HPF1: variants seen among roughly 807,000 people sequenced by gnomAD.
HPF1 encodes UPF0609 protein C4orf27.
HPF1 carries 35 observed loss-of-function variants against 38.8 expected under a neutral mutation model. The observed-to-expected ratio is 0.90, with a 90% CI of 0.69 to 1.19. The LOEUF (loss-of-function observed/expected upper bound fraction) is 1.19, where lower values mean the gene tolerates loss of function less well. Among genes scored for constraint, HPF1 ranks in the 50% most tolerant of loss-of-function variants. The pLI is 0.00. For synonymous variants in HPF1, 115 were observed against 139.2 expected (o/e 0.83, Z 1.22); for missense variants, 367 against 405.8 (o/e 0.90, Z 0.82).
chr4:169,732,175 T>TCAG (rs1408623486), intron 6 of HPF1, among the ~76,000 whole-genome samples: 1 of 146,860 alleles, frequency 6.8e-6, no homozygotes, highest in Non-Finnish European at 1.5e-5. Flanking sequence ...GGAGTCTTGC[T>TCAG]CTGTCACCAG....
intron 5 of HPF1, among the ~76,000 whole-genome samples, chr4:169,738,816 A>G (rs1733929995): frequency 6.6e-6 from 1 of 152,228 alleles, no homozygotes. Context: ...GCCATAAAAA[A>G]GGATGAGTTC....
intron 4 of HPF1, among the ~76,000 whole-genome samples, chr4:169,743,094 C>CAA (rs60755557): frequency 4.5e-4 from 65 of 143,290 alleles, no homozygotes; most frequent in African/African-American, 1.1e-3. Context: ...AAGACTGCCT[C>CAA]AAAAAAAAAA....
chr4:169,748,093 T>TTTGGA (rs1734071056), intron 4 of HPF1, among the ~76,000 whole-genome samples: 1 of 152,214 alleles, frequency 6.6e-6, no homozygotes, highest in Non-Finnish European at 1.5e-5. Context: ...CTTCCAAGGA[T>TTTGGA]ATAATGACCA....
chr4:169,745,955 G>A (rs1296575724), intron 4 of HPF1, among the ~76,000 whole-genome samples: 1 of 151,814 alleles, frequency 6.6e-6, no homozygotes, highest in Non-Finnish European at 1.5e-5. Flanking sequence ...AAATAGTTTT[G>A]ACCTTAAGGG....
chr4:169,740,324 G>T (rs111871002), intron 5 of HPF1, among the ~76,000 whole-genome samples: 1,715 of 152,244 alleles, frequency 0.011, 27 homozygotes, highest in African/African-American at 0.039. Context: ...CTATAAAATA[G>T]GATAATTCCA....
At chr4:169,749,823 G>T (rs1041200318) in intron 3 of HPF1, among the ~76,000 whole-genome samples, 3 of 151,700 alleles carry the variant, frequency 2.0e-5, no homozygotes, top group Non-Finnish European at 4.4e-5. Context: ...TAAAATTGAG[G>T]AAACAAATAC....
chr4:169,737,478 C>T (rs1303369345), intron 6 of HPF1, among the ~76,000 whole-genome samples, 182 bp downstream of exon 6: 1 of 152,088 alleles, frequency 6.6e-6, no homozygotes, highest in Non-Finnish European at 1.5e-5. Flanking sequence ...CAAGGCCACA[C>T]AGCTATGAAC....
chr4:169,743,970 T>G (rs1220970666), intron 4 of HPF1, among the ~76,000 whole-genome samples: 3 of 152,080 alleles, frequency 2.0e-5, no homozygotes, highest in African/African-American at 4.8e-5. Context: ...ACTGGTAGAT[T>G]AAAATGCCAC....
chr4:169,739,630 C>G (rs751538423), intron 5 of HPF1, among the ~76,000 whole-genome samples: 3 of 152,090 alleles, frequency 2.0e-5, no homozygotes, highest in Non-Finnish European at 4.4e-5. Context: ...CCTGGCAATA[C>G]TACGTCTAGG....
intron 3 of HPF1, among the ~76,000 whole-genome samples, chr4:169,749,789 C>T (rs1234631054): frequency 2.7e-5 from 4 of 149,772 alleles, no homozygotes; most frequent in Admixed American, 2.7e-4. Context: ...ATCCTATTCA[C>T]GTATATAACC....
chr4:169,730,981 C>A (rs770951479), intron 7 of HPF1, among the ~76,000 whole-genome samples: 3 of 152,154 alleles, frequency 2.0e-5, no homozygotes, highest in Non-Finnish European at 4.4e-5. Flanking sequence ...AAATGATCTG[C>A]GTGTGGGTAT....
chr4:169,735,140 A>AG (rs1158298542), intron 6 of HPF1, among the ~76,000 whole-genome samples: 5 of 151,748 alleles, frequency 3.3e-5, no homozygotes, highest in African/African-American at 1.2e-4. Flanking sequence ...AAAAAAAAAA[A>AG]AAGAAGAAAG....
chr4:169,737,514 C>G, intron 6 of HPF1, 146 bp downstream of exon 6: 1 of 618,010 alleles, frequency 1.6e-6, no homozygotes, highest in Non-Finnish European at 3.0e-6. Context: ...GAATGACTGA[C>G]TCTAAAACCT....
chr4:169,756,046 T>G (rs1378141571), intron 1 of HPF1, among the ~76,000 whole-genome samples: 1 of 152,154 alleles, frequency 6.6e-6, no homozygotes, highest in Non-Finnish European at 1.5e-5. Flanking sequence ...GAACAATGAA[T>G]CCAAAAGTGA....
At chr4:169,750,815 TTAAAAAGTTTC>T (rs1328420183) in intron 2 of HPF1, 90 bp from the exon 3 acceptor site, 1 of 1,009,608 alleles carries the variant, frequency 9.9e-7, no homozygotes, top group Non-Finnish European at 1.4e-6. Context: ...GCAATTGTCT[TTAAAAAGTTTC>T]TAAACTAAAA....
intron 4 of HPF1, among the ~76,000 whole-genome samples, chr4:169,746,347 C>T (rs530697189): frequency 1.1e-4 from 17 of 152,114 alleles, no homozygotes; most frequent in Non-Finnish European, 2.1e-4. Flanking sequence ...GTGTACTTCA[C>T]ATAGTACCTG....
At position 169,741,971 on chromosome 4, in the gene HPF1, G is replaced by A. The variant is rs758847311; in HGVS notation, c.634C>T (p.Gln212Ter). 6.2e-7 allele frequency: 1 copy of A among 1,612,912 alleles called. No individual in the cohort carries two copies. The highest frequency in any genetic ancestry group is 1.3e-5 in the African/African-American group (1 of 74,814). ...SLEQRTVKMK[Q>*]RDKKVVTKTF... ...TGAAATCATACTTTCTTATCTCTCT[G>A]TTTCATCTTCACGGTTCTCTGTTCA... Residue 212 changes from glutamine (Q) to a stop codon, truncating the protein, a stop_gained, in exon 5 of 8, where the codon CAG (glutamine) becomes TAG (stop). Transcript: ENST00000393381. LOFTEE classifies it high-confidence loss of function.
rs1480304632 is a variant in HPF1, at chr4:169,735,949, A to C, written c.736+1711T>G. On this transcript the variant is annotated intron_variant, in intron 6 of 7. Transcript: ENST00000393381. ...GAAGGAGCTAAAAAAAAAAAAAAAA[A>C]CCAACAACAAAAAACAGGTGAAATT... Among the ~76,000 whole-genome samples the C allele has an allele frequency of 4.0e-5, 6 of 150,274 alleles. No individual in the cohort carries two copies. In the South Asian group the frequency reaches 1.1e-3, roughly 26 times the overall value.
intron 6 of HPF1, among the ~76,000 whole-genome samples, chr4:169,735,496 A>G (rs1320033439): frequency 1.3e-5 from 2 of 152,170 alleles, no homozygotes; most frequent in Non-Finnish European, 2.9e-5. Context: ...ATGTTTTGCT[A>G]CCACTTCAAA....
Sources: allele counts gnomAD v4.1 joint callset (sites outside exome capture counted in the v4.1 genomes callset), GRCh38; gene constraint gnomAD v4.1.1; transcripts MANE v1.5; gene names NCBI Gene and HGNC (gene_info 2026-07-23, HGNC 2026-07-21).